The following DIP2C variants were observed in gnomAD, a reference collection of about 807,000 sequenced individuals.
The protein encoded by DIP2C is DIP2 acetate--CoA ligase C (putative).
Under a neutral mutation model 192.4 loss-of-function variants are expected in DIP2C, and 33 were observed. That is an observed-to-expected ratio of 0.17 (90% CI 0.13 to 0.23). The LOEUF (loss-of-function observed/expected upper bound fraction) is 0.23. DIP2C is among the 10% of genes least tolerant of loss of function. DIP2C has a pLI of 1.00. For synonymous variants in DIP2C, 979 were observed against 864.1 expected, an observed-to-expected ratio of 1.13 and a Z score of -2.33; for missense variants, 1,537 against 2,110.1, an observed-to-expected ratio of 0.73 and a Z score of 5.32.
intron 4 of DIP2C, among the ~76,000 whole-genome samples, chr10:429,644 C>T (rs1407825865): frequency 6.6e-6 from 1 of 151,086 alleles, no homozygotes; most frequent in African/African-American, 2.4e-5. Context: ...ATACAGCAAC[C>T]TTTTCAGATT....
chr10:402,010 A>G lies in DIP2C; in HGVS notation c.1150-2791T>C, dbSNP rs182803983. Among the ~76,000 whole-genome samples the G allele has an allele frequency of 1.7e-3, 227 of 134,376 alleles. 2 individuals carry two copies. Among genetic ancestry groups the G allele is most frequent in the Admixed American group, 0.012 (152 of 13,170 alleles). 88.2% of individuals were successfully genotyped at this position (134,376 alleles called of 152,430 possible). ...ATTTTACATGTGTGGTAGCATTAGC[A>G]TTACTCTTCCTTATGGACAAGTTTG... On this transcript the variant is annotated intron_variant, in intron 9 of 36. Coordinates refer to ENST00000280886, the MANE Select transcript of DIP2C (RefSeq NM_014974.3).
chr10:658,813 G>T (rs555392913), intron 1 of DIP2C, among the ~76,000 whole-genome samples: 55 of 152,224 alleles, frequency 3.6e-4, no homozygotes, highest in African/African-American at 1.3e-3. Context: ...AGAGCATCAG[G>T]CGTGTTTACC....
chr10:613,602 G>A (rs1441773274), intron 1 of DIP2C, among the ~76,000 whole-genome samples: 3 of 152,222 alleles, frequency 2.0e-5, no homozygotes, highest in Non-Finnish European at 2.9e-5. Flanking sequence ...TCTAATTCAT[G>A]GTAATTGGGA....
chr10:543,554 T>C (rs1310282519), intron 1 of DIP2C, among the ~76,000 whole-genome samples: 1 of 152,230 alleles, frequency 6.6e-6, no homozygotes, highest in Non-Finnish European at 1.5e-5. Context: ...TTACGTGAGA[T>C]AGAAATCAGT....
chr10:573,525 C>CA (rs1225184575), intron 1 of DIP2C, among the ~76,000 whole-genome samples: 1 of 152,184 alleles, frequency 6.6e-6, no homozygotes, highest in Non-Finnish European at 1.5e-5. Flanking sequence ...TCTCTTACTT[C>CA]AGCCTCTAGA....
chr10:484,591 C>G (rs886082958), intron 2 of DIP2C, among the ~76,000 whole-genome samples: 1 of 152,234 alleles, frequency 6.6e-6, no homozygotes, highest in Non-Finnish European at 1.5e-5. Flanking sequence ...GAACTGGGCC[C>G]TGATTCACAG....
intron 1 of DIP2C, among the ~76,000 whole-genome samples, chr10:509,575 G>C (rs989435279): frequency 1.3e-5 from 2 of 152,186 alleles, no homozygotes; most frequent in South Asian, 4.1e-4. Context: ...GACTCTGTGC[G>C]GTAAGGGCTG....
chr10:419,558 G>A (rs1708777514), intron 5 of DIP2C, among the ~76,000 whole-genome samples: 1 of 152,164 alleles, frequency 6.6e-6, no homozygotes, highest in South Asian at 2.1e-4. Flanking sequence ...AGTCGACGCA[G>A]CCAAAGGCCT....
chr10:477,919 G>A (rs1321659464), intron 2 of DIP2C, among the ~76,000 whole-genome samples: 1 of 105,274 alleles, frequency 9.5e-6, no homozygotes, highest in African/African-American at 3.9e-5. Flanking sequence ...AGAAAAGACA[G>A]GAAAAGAGAG....
intron 1 of DIP2C, among the ~76,000 whole-genome samples, chr10:602,962 A>C (rs1852192667): frequency 6.6e-6 from 1 of 152,078 alleles, no homozygotes; most frequent in Non-Finnish European, 1.5e-5. Flanking sequence ...CCGTTGGGGG[A>C]GGCAAGAGTG....
chr10:415,881 T>C lies in DIP2C; in HGVS notation c.747A>G (p.Pro249=). 1 of 1,613,742 alleles carries C rather than the reference T, an allele frequency of 6.2e-7. No individual in the cohort carries two copies. Among genetic ancestry groups the C allele is most frequent in the Non-Finnish European group, 8.5e-7 (1 of 1,179,938 alleles). The stretch of plus-strand genomic sequence containing the variant: ...TTTTTGCTGACACCCGGCTACTTAC[T>C]GGTACTCCTGAAAAACAGGAATCAG... ...AELMETGDGV[P]VSSRVSAKIQ... is the part of the protein sequence containing the mutation. Residue 249 remains proline, a synonymous_variant, in exon 7 of 37, where the codon CCA becomes CCG. Coordinates refer to ENST00000280886, the MANE Select transcript of DIP2C (RefSeq NM_014974.3).
intron 1 of DIP2C, among the ~76,000 whole-genome samples, chr10:559,386 C>G (rs1003604429): frequency 6.6e-6 from 1 of 151,954 alleles, no homozygotes; most frequent in African/African-American, 2.4e-5. Context: ...ACCCCACACA[C>G]AGTCGGCATC....
At chr10:365,149 G>A (rs2132741307) in intron 19 of DIP2C, 1 of 397,816 alleles carries the variant, frequency 2.5e-6, no homozygotes, top group East Asian at 7.3e-5. Flanking sequence ...ATCCAGCTCA[G>A]TTTCGAGGGA....
chr10:543,112 T>A (rs1848095581), intron 1 of DIP2C, among the ~76,000 whole-genome samples: 1 of 152,216 alleles, frequency 6.6e-6, no homozygotes, highest in Admixed American at 6.5e-5. Context: ...GGTAACTCGC[T>A]GCACAGATAC....
chr10:378,215 A>C (rs1235722335), intron 17 of DIP2C, among the ~76,000 whole-genome samples: 2 of 152,250 alleles, frequency 1.3e-5, no homozygotes, highest in African/African-American at 2.4e-5. Flanking sequence ...GACAGTTTTA[A>C]AGAGAAAAAA....
At chr10:617,438 A>G (rs184498100) in intron 1 of DIP2C, among the ~76,000 whole-genome samples, 1 of 152,272 alleles carries the variant, frequency 6.6e-6, no homozygotes, top group Non-Finnish European at 1.5e-5. Flanking sequence ...ACACATGGCC[A>G]TATCACGGCA....
At chr10:444,960 C>CA (rs1304092437) in intron 3 of DIP2C, among the ~76,000 whole-genome samples, 2 of 152,210 alleles carry the variant, frequency 1.3e-5, no homozygotes, top group Non-Finnish European at 2.9e-5. Flanking sequence ...CCTGCTGGGC[C>CA]ATATGGTAAA....
At chr10:565,084 C>A (rs908198983) in intron 1 of DIP2C, among the ~76,000 whole-genome samples, 1 of 152,066 alleles carries the variant, frequency 6.6e-6, no homozygotes, top group African/African-American at 2.4e-5. Context: ...TAGGAGAGGG[C>A]GGTTCCATCA....
chr10:591,491 A>AT (rs1453540930), intron 1 of DIP2C, among the ~76,000 whole-genome samples: 1 of 152,224 alleles, frequency 6.6e-6, no homozygotes, highest in Non-Finnish European at 1.5e-5. Flanking sequence ...AACCAGTTAT[A>AT]TGGCTATATT....
Sources: gnomAD v4.1 joint callset for allele counts (sites outside exome capture counted in the v4.1 genomes callset) on GRCh38, gnomAD v4.1.1 for gene constraint, MANE v1.5 for transcripts, NCBI Gene and HGNC (gene_info 2026-07-23, HGNC 2026-07-21) for gene names.